Variants in LARP1B observed in about 807,000 individuals in gnomAD.
LARP1B encodes la-related protein 1B.
Under a neutral mutation model 114.2 loss-of-function variants are expected in LARP1B, and 76 were observed. The observed-to-expected ratio is 0.67, with a 90% confidence interval of 0.55 to 0.81. LARP1B has a LOEUF of 0.81. Among genes scored for constraint, LARP1B ranks in the 30% least tolerant of loss-of-function variants. The pLI, the probability that LARP1B is intolerant of heterozygous loss-of-function variation, is 0.00. For synonymous variants in LARP1B, 345 were observed against 348.0 expected (o/e 0.99, Z 0.10); for missense variants, 1,014 against 1,075.8 (o/e 0.94, Z 0.80).
chr4:128,222,564 A>G, exon 8 of LARP1B: 1 of 241,574 alleles, frequency 4.1e-6, no homozygotes, highest in Non-Finnish European at 8.5e-6. Flanking sequence ...ACTTTTAGAT[A>G]ACAACTTCAA....
chr4:128,093,894 A>G (rs975338781), intron 7 of LARP1B, among the ~76,000 whole-genome samples: 10 of 151,828 alleles, frequency 6.6e-5, no homozygotes, highest in African/African-American at 1.7e-4. Flanking sequence ...TAGTTTTAGT[A>G]GAGACGGGGT....
intron 5 of LARP1B, among the ~76,000 whole-genome samples, chr4:128,083,195 A>G (rs908394214): frequency 6.6e-6 from 1 of 152,200 alleles, no homozygotes; most frequent in Non-Finnish European, 1.5e-5. Flanking sequence ...GAACAAAATG[A>G]AAAGTCTCCC....
At chr4:128,069,756 C>T (rs1257067428) in intron 1 of LARP1B, 1 of 260,256 alleles carries the variant, frequency 3.8e-6, no homozygotes, top group Non-Finnish European at 7.4e-6. Context: ...AATTTCCATT[C>T]TTTTACTCAT....
At chr4:128,153,954 C>G (rs1337276918) in intron 11 of LARP1B, among the ~76,000 whole-genome samples, 1 of 152,220 alleles carries the variant, frequency 6.6e-6, no homozygotes, top group East Asian at 1.9e-4. Context: ...CAGTTTGTCA[C>G]TAGGTCCTAT....
rs1376755258 is a variant in LARP1B at position 128,222,503 on chromosome 4, T to C, written n.1089T>C. ...CCACTTCCAAGTTTGACTTGCATCT[T>C]ACAAACCATATTTCTGTTTACTTTT... On this transcript the variant is annotated non_coding_transcript_exon_variant, in exon 8 of 8. Coordinates refer to the LARP1B transcript ENST00000503725. 7 of 376,558 alleles carry C rather than the reference T, an allele frequency of 1.9e-5. No homozygotes were observed. In the East Asian group the frequency reaches 4.8e-4, roughly 26 times the overall value. The allele number at this position is 376,558 out of a possible 1,614,324, so 23.3% of individuals were successfully genotyped here. A position where few individuals can be genotyped will look rare whatever the true frequency, so the allele number is the denominator to read the frequency against.
intron 11 of LARP1B, among the ~76,000 whole-genome samples, chr4:128,144,688 C>A (rs1489773981): frequency 2.0e-5 from 3 of 152,064 alleles, no homozygotes; most frequent in Non-Finnish European, 4.4e-5. Flanking sequence ...ATTTATCATT[C>A]TGTCTTAAAC....
intron 11 of LARP1B, among the ~76,000 whole-genome samples, chr4:128,127,926 GGATGAACATATA>G (rs1790185245): frequency 1.3e-5 from 2 of 152,156 alleles, no homozygotes; most frequent in African/African-American, 2.4e-5. Context: ...GCTGTCATAA[GGATGAACATATA>G]GATCAATGGA....
Position 128,210,116 on chromosome 4 carries a change from T to A in LARP1B, c.*63T>A. 1 of 1,606,818 alleles carries A rather than the reference T, an allele frequency of 6.2e-7. No homozygotes were observed. Among genetic ancestry groups the A allele is most frequent in the Non-Finnish European group, 8.5e-7 (1 of 1,175,064 alleles). ...GAAATGCCTGAGAAATAGACTCTTA[T>A]GAAAGTTCTTTGTCCTTGAAGTCAA... On this transcript the variant is annotated 3_prime_UTR_variant, in exon 20 of 20. Transcript: ENST00000326639.
intron 15 of LARP1B, among the ~76,000 whole-genome samples, chr4:128,187,086 A>C (rs1561527404): frequency 6.6e-6 from 1 of 152,232 alleles, no homozygotes; most frequent in Non-Finnish European, 1.5e-5. Context: ...GCCCTCATGG[A>C]GAACCTCTAC....
intron 11 of LARP1B, among the ~76,000 whole-genome samples, chr4:128,161,756 A>T (rs909577950): frequency 2.6e-5 from 4 of 152,080 alleles, no homozygotes; most frequent in African/African-American, 9.7e-5. Context: ...TGGCTTCCTG[A>T]TGATCGTAAT....
chr4:128,098,761 ATATATATTTTT>A (rs1369700527), intron 8 of LARP1B, among the ~76,000 whole-genome samples: 2 of 35,316 alleles, frequency 5.7e-5, no homozygotes, highest in Non-Finnish European at 1.1e-4. Flanking sequence ...ATATATATAT[ATATATATTTTT>A]TTTTTTTTTT....
intron 11 of LARP1B, among the ~76,000 whole-genome samples, chr4:128,150,075 C>T (rs1180728560): frequency 6.6e-6 from 1 of 152,054 alleles, no homozygotes; most frequent in African/African-American, 2.4e-5. Flanking sequence ...CACTTGAACC[C>T]GGGAGGCGGA....
intron 11 of LARP1B, among the ~76,000 whole-genome samples, chr4:128,128,079 C>T (rs1554030215): frequency 6.6e-6 from 1 of 152,068 alleles, no homozygotes; most frequent in Non-Finnish European, 1.5e-5. Context: ...TATCTACAAA[C>T]AAAAGAAGGA....
intron 11 of LARP1B, chr4:128,122,598 T>A: frequency 6.7e-7 from 1 of 1,496,144 alleles, no homozygotes; most frequent in Non-Finnish European, 8.8e-7. Flanking sequence ...TATGAGCCAG[T>A]GGCTTTAGAG....
chr4:128,125,399 C>T (rs1789236863), intron 11 of LARP1B, among the ~76,000 whole-genome samples: 1 of 152,230 alleles, frequency 6.6e-6, no homozygotes, highest in Non-Finnish European at 1.5e-5. Context: ...AAAGAATACA[C>T]TTACAGTGGA....
chr4:128,114,643 A>G lies in LARP1B; in HGVS notation c.1062A>G (p.Gln354=). 2 of 1,613,992 alleles carry G rather than the reference A, an allele frequency of 1.2e-6. No individual in the cohort carries two copies. Among genetic ancestry groups the G allele is most frequent in the South Asian group, 2.2e-5 (2 of 91,080 alleles). ...AAAACAGTGAAACAAGTATTCTTCA[A>G]GCAATGTCTAGAGGTTTGTCTACCA... ...PKKNSETSIL[Q]AMSRGLSTSL... Residue 354 remains glutamine (Q), a synonymous_variant, in exon 10 of 20, where the codon CAA becomes CAG. Coordinates refer to ENST00000326639, the MANE Select transcript of LARP1B (RefSeq NM_018078.4).
In LARP1B at chr4:128,070,800, A is replaced by T. The variant is rs77927939; in HGVS notation, c.-77-3660A>T. On this transcript the variant is annotated intron_variant, in intron 1 of 19. Coordinates refer to ENST00000326639, the MANE Select transcript of LARP1B (RefSeq NM_018078.4). Reference sequence around the variant, plus strand: ...AACATAGTGAAACCCTATCTCAATTAAAAAAAAAAATAGCTAAGGAGTGGT... The same window carrying T: ...AACATAGTGAAACCCTATCTCAATTTAAAAAAAAAATAGCTAAGGAGTGGT... Among the ~76,000 whole-genome samples the T allele has an allele frequency of 2.0e-4, 28 of 139,344 alleles. 1 individual carries two copies. In the South Asian group the frequency reaches 4.9e-3, roughly 25 times the overall value. The allele number at this position is 139,344 out of a possible 152,430, so 91.4% of individuals were successfully genotyped here. A position where few individuals can be genotyped will look rare whatever the true frequency, so the allele number is the denominator to read the frequency against.
chr4:128,060,855 C>T (rs1465652942), upstream of LARP1B, among the ~76,000 whole-genome samples: 1 of 152,234 alleles, frequency 6.6e-6, no homozygotes, highest in Non-Finnish European at 1.5e-5. Context: ...GCCCACTTCA[C>T]TTGGGAGCTG....
intron 8 of LARP1B, among the ~76,000 whole-genome samples, chr4:128,104,755 T>C (rs1781485100): frequency 6.6e-6 from 1 of 152,178 alleles, no homozygotes; most frequent in African/African-American, 2.4e-5. Context: ...AACAGTTAAT[T>C]TTTCTATGCT....
Sources: gnomAD v4.1 joint callset for allele counts (sites outside exome capture counted in the v4.1 genomes callset) on GRCh38, gnomAD v4.1.1 for gene constraint, MANE v1.5 for transcripts, NCBI Gene and HGNC (gene_info 2026-07-23, HGNC 2026-07-21) for gene names.